LECT2: variants seen among roughly 807,000 people sequenced by gnomAD.
LECT2 encodes the protein leukocyte cell derived chemotaxin 2, also known as leukocyte cell-derived chemotaxin-2.
In LECT2, 11 loss-of-function variants were observed where a neutral mutation model predicts 16.6. The ratio of observed to expected loss-of-function variants is 0.66; its 90% CI spans 0.42 to 1.09. The LOEUF is 1.09. LECT2 is among the 50% of genes least tolerant of loss of function. The probability of loss-of-function intolerance (pLI) is 0.00; values close to 1 mark genes in which losing one functional copy is unlikely to be tolerated. For missense variants in LECT2, 173 were observed against 184.2 expected (o/e 0.94, Z 0.35); for synonymous variants, 54 against 64.8 (o/e 0.83, Z 0.80).
At position 135,947,437 on chromosome 5, in the gene LECT2, C is replaced by T. The variant is rs773806450; in HGVS notation, c.350G>A (p.Gly117Glu). 19 of 1,613,910 alleles carry T rather than the reference C, an allele frequency of 1.2e-5. No homozygotes were observed. The highest frequency in any genetic ancestry group is 1.6e-5 in the Non-Finnish European group (19 of 1,179,954). The stretch of plus-strand genomic sequence containing the variant: ...GGGCAATAGAGTTCCAAGTTTTTCT[C>T]CCTTCTTAATAGGACCTTTATACTT... ...PIKYKGPIKK[G>E]EKLGTLLPLQ... The change falls in exon 4 of 4, where the codon GGA (glycine) becomes GAA (glutamate). Residue 117 changes from glycine (G) to glutamate (E), a missense_variant. Physicochemically the swap from Gly to Glu is moderately conservative, Grantham distance 98 (BLOSUM62 -2). Coordinates refer to ENST00000274507, the MANE Select transcript of LECT2 (RefSeq NM_002302.3).
intron 3 of LECT2, among the ~76,000 whole-genome samples, chr5:135,949,128 A>G (rs1263111131): frequency 2.0e-5 from 3 of 152,224 alleles, no homozygotes; most frequent in Non-Finnish European, 2.9e-5. Flanking sequence ...AACCATTAAT[A>G]TAACAGTGAA....
chr5:135,947,761 A>C (rs1763725023), intron 3 of LECT2, among the ~76,000 whole-genome samples: 1 of 152,200 alleles, frequency 6.6e-6, no homozygotes, highest in Non-Finnish European at 1.5e-5. Flanking sequence ...TGAGCCCTGA[A>C]CAATGTCAAC....
At position 135,948,038 on chromosome 5, in the gene LECT2, A is replaced by G. The variant is rs76757469; in HGVS notation, c.290-541T>C. 1.5e-4 allele frequency among the ~76,000 whole-genome samples: 23 copies of G among 152,346 alleles called. 1 individual carries two copies. The East Asian group carries it at 4.4e-3, about 29-fold the overall frequency. On this transcript the variant is annotated intron_variant, in intron 3 of 3. Coordinates refer to ENST00000274507, the MANE Select transcript of LECT2 (RefSeq NM_002302.3). ...AAAGCAAACCCCAATTGAATGCTGT[A>G]TGGAATAAAACACAGCGATTGAAAA...
chr5:135,952,400 C>G (rs1322648340), intron 2 of LECT2, among the ~76,000 whole-genome samples: 1 of 152,132 alleles, frequency 6.6e-6, no homozygotes, highest in East Asian at 1.9e-4. Context: ...GGGCCAGCCT[C>G]TAATATTCAA....
At position 135,951,263 on chromosome 5, in the gene LECT2, G is replaced by T; in HGVS notation, c.249C>A (p.Asn83Lys). The change falls in exon 3 of 4, where the codon AAC (asparagine) becomes AAA (lysine). Residue 83 changes from asparagine to lysine, a missense_variant. By Grantham distance (94) the Asn-to-Lys change is moderately conservative (BLOSUM62 0). Transcript: ENST00000274507. The stretch of plus-strand genomic sequence containing the variant: ...GAACACCATTATTGATAGCATTCTT[G>T]TTTTGATAAGGTTTCTCCTGGCCCA... ...MIVGQEKPYQ[N>K]KNAINNGVRI... 1 of 1,614,178 alleles carries T rather than the reference G, an allele frequency of 6.2e-7. No homozygotes were observed. The highest frequency in any genetic ancestry group is 8.5e-7 in the Non-Finnish European group (1 of 1,179,994).
chr5:135,953,928 G>C (rs765613408), intron 1 of LECT2, among the ~76,000 whole-genome samples: 1 of 152,136 alleles, frequency 6.6e-6, no homozygotes, highest in East Asian at 1.9e-4. Flanking sequence ...TGGAGGAGGG[G>C]CTGCTTTCTC....
intron 1 of LECT2, 83 bp downstream of exon 1, chr5:135,954,705 A>G (rs1763837722): frequency 2.1e-6 from 2 of 968,980 alleles, no homozygotes; most frequent in Admixed American, 1.7e-5. Context: ...CATGCTATTA[A>G]TGACTTTTTA....
At chr5:135,948,287 T>C (rs1414252362) in intron 3 of LECT2, among the ~76,000 whole-genome samples, 1 of 152,172 alleles carries the variant, frequency 6.6e-6, no homozygotes, top group East Asian at 1.9e-4. Context: ...GTCATCTATA[T>C]AAAGCAGACA....
intron 3 of LECT2, among the ~76,000 whole-genome samples, chr5:135,950,514 A>G (rs376862818): frequency 6.6e-6 from 1 of 152,184 alleles, no homozygotes; most frequent in South Asian, 2.1e-4. Context: ...TGCTGATTAC[A>G]CAGGTGTGTT....
At chr5:135,954,707 G>A (rs1346475267) in intron 1 of LECT2, 81 bp downstream of exon 1, 5 of 988,392 alleles carry the variant, frequency 5.1e-6, no homozygotes, top group Non-Finnish European at 8.1e-6. Flanking sequence ...TGCTATTAAT[G>A]ACTTTTTAAT....
Position 135,951,245 on chromosome 5 carries a change from A to G in LECT2, c.267T>C (p.Asn89=), listed in dbSNP as rs764484931. 2.5e-6 allele frequency: 4 copies of G among 1,614,180 alleles called. No homozygotes were observed. In the African/African-American group the frequency reaches 4.0e-5, roughly 16 times the overall value. Residue 89 remains asparagine (N), a synonymous_variant, in exon 3 of 4, where the codon AAT becomes AAC. Transcript: ENST00000274507. ...TACCTCTTCCAGATATTCGAACACC[A>G]TTATTGATAGCATTCTTGTTTTGAT... ...KPYQNKNAIN[N]GVRISGRGFC...
Position 135,947,459 on chromosome 5 carries a change from A to G in LECT2, c.328T>C (p.Tyr110His), listed in dbSNP as rs758649081. 6.8e-6 allele frequency: 11 copies of G among 1,613,902 alleles called. No homozygotes were observed. The South Asian group carries it at 1.1e-4, about 16-fold the overall frequency. ...TCTCCCTTCTTAATAGGACCTTTAT[A>G]CTTAATTGGCTTAATGTAGAACATT... is the stretch of plus-strand genomic sequence containing the variant. The part of the protein sequence containing the change: ...VKMFYIKPIK[Y>H]KGPIKKGEKL... Residue 110 changes from tyrosine to histidine, a missense_variant, in exon 4 of 4, where the codon TAT becomes CAT. Transcript: ENST00000274507.
intron 2 of LECT2, among the ~76,000 whole-genome samples, chr5:135,952,555 A>G (rs920527822): frequency 6.6e-6 from 1 of 152,212 alleles, no homozygotes; most frequent in Admixed American, 6.5e-5. Context: ...CTCTTCTATA[A>G]AATGGGATAG....
chr5:135,953,234 A>C (rs1481053175), intron 1 of LECT2: 5 of 340,936 alleles, frequency 1.5e-5, no homozygotes, highest in Admixed American at 9.2e-5. Context: ...TCGGAGTCTC[A>C]CTCTGTTGCC....
At position 135,947,165 on chromosome 5, in the gene LECT2, G is replaced by A. The variant is rs1224170015; in HGVS notation, c.*166C>T. On this transcript the variant is annotated 3_prime_UTR_variant, in exon 4 of 4. Transcript: ENST00000274507. ...TATTTGTTTATGAGGTACGTGAGAT[G>A]TTTTGATACAGGCATGCAATGTGTA... 3 of 585,682 alleles carry A rather than the reference G, an allele frequency of 5.1e-6. No individual in the cohort carries two copies. Among genetic ancestry groups the A allele is most frequent in the Non-Finnish European group, 8.7e-6 (3 of 346,348 alleles). The allele number at this position is 585,682 out of a possible 1,614,324, so 36.3% of individuals were successfully genotyped here. A position where few individuals can be genotyped will look rare whatever the true frequency, so the allele number is the denominator to read the frequency against.
chr5:135,949,042 A>G (rs1324822675), intron 3 of LECT2, among the ~76,000 whole-genome samples: 1 of 152,218 alleles, frequency 6.6e-6, no homozygotes, highest in Non-Finnish European at 1.5e-5. Context: ...TAGAAGAGCT[A>G]AAACTCCATC....
chr5:135,952,799 A>G (rs1763813302), intron 2 of LECT2, 72 bp downstream of exon 2: 7 of 1,065,340 alleles, frequency 6.6e-6, no homozygotes, highest in Non-Finnish European at 1.0e-5. Flanking sequence ...GAGGCAACCA[A>G]CGTTGGGCAA....
intron 2 of LECT2, 78 bp from the exon 3 acceptor site, chr5:135,951,446 C>T (rs1763796294): frequency 3.0e-6 from 4 of 1,343,854 alleles, no homozygotes; most frequent in Non-Finnish European, 4.1e-6. Flanking sequence ...GGTGTTAGCC[C>T]ACTGTTTGCA....
intron 1 of LECT2, 62 bp from the exon 2 acceptor site, chr5:135,953,029 C>T: frequency 1.8e-6 from 2 of 1,096,916 alleles, no homozygotes; most frequent in Admixed American, 3.4e-5. Context: ...CCCCATTTGC[C>T]TTATCAGTCA....
Sources: gnomAD v4.1 joint callset for allele counts (sites outside exome capture counted in the v4.1 genomes callset) on GRCh38, gnomAD v4.1.1 for gene constraint, MANE v1.5 for transcripts, NCBI Gene and HGNC (gene_info 2026-07-23, HGNC 2026-07-21) for gene names.